SOS2: variants seen among roughly 807,000 people sequenced by gnomAD.
SOS2 encodes the protein son of sevenless homolog 2.
Under a neutral mutation model 148.2 loss-of-function variants are expected in SOS2, and 65 were observed. The ratio of observed to expected loss-of-function variants is 0.44; its 90% CI spans 0.36 to 0.54. The LOEUF (loss-of-function observed/expected upper bound fraction) is 0.54, where lower values mean the gene tolerates loss of function less well. Among genes scored for constraint, SOS2 ranks in the 20% least tolerant of loss-of-function variants. The pLI is 0.00. For synonymous variants in SOS2, 539 were observed against 537.1 expected, an observed-to-expected ratio of 1.00 and a Z score of -0.05; for missense variants, 1,341 against 1,590.2, an observed-to-expected ratio of 0.84 and a Z score of 2.67.
intron 1 of SOS2, among the ~76,000 whole-genome samples, chr14:50,223,432 T>C (rs1322938398): frequency 6.6e-6 from 1 of 151,980 alleles, no homozygotes; most frequent in African/African-American, 2.4e-5. Flanking sequence ...CCCAGTACTT[T>C]GGGAGGCCGG....
chr14:50,182,581 A>T lies in SOS2; in HGVS notation c.740T>A (p.Ile247Asn). 6.2e-7 allele frequency: 1 copy of T among 1,605,170 alleles called. No homozygotes were observed. The highest frequency in any genetic ancestry group is 8.5e-7 in the Non-Finnish European group (1 of 1,172,880). ...CACAGTCAATTCATGTATATCTGAA[A>T]TGTTACTAAAAATCTTTTCGATATC... ...PSDIEKIFSN[I>N]SDIHELTVKL... Residue 247 changes from isoleucine (I) to asparagine (N), a missense_variant, in exon 6 of 23, where the codon ATT becomes AAT. Coordinates refer to ENST00000216373, the MANE Select transcript of SOS2 (RefSeq NM_006939.4).
chr14:50,164,836 T>C (rs2139647360), intron 8 of SOS2, among the ~76,000 whole-genome samples: 1 of 152,336 alleles, frequency 6.6e-6, no homozygotes, highest in African/African-American at 2.4e-5. Flanking sequence ...TCTTAAATTT[T>C]TTCTTTTGAA....
chr14:50,225,936 A>C (rs187500471), intron 1 of SOS2, among the ~76,000 whole-genome samples: 1 of 150,064 alleles, frequency 6.7e-6, no homozygotes, highest in African/African-American at 2.4e-5. Flanking sequence ...TTAAATTCAG[A>C]ATCTGAGACC....
chr14:50,171,632 C>T (rs1421622386), intron 8 of SOS2, among the ~76,000 whole-genome samples: 2 of 137,136 alleles, frequency 1.5e-5, no homozygotes, highest in East Asian at 2.1e-4. Context: ...GGCAGTGAGC[C>T]GAGATCATGC....
At chr14:50,211,530 A>C (rs1324913658) in intron 1 of SOS2, among the ~76,000 whole-genome samples, 1 of 151,930 alleles carries the variant, frequency 6.6e-6, no homozygotes, top group Non-Finnish European at 1.5e-5. Context: ...CTCACCCGTA[A>C]ATGAGAACAT....
Position 50,231,340 on chromosome 14 carries a change from T to G in SOS2, c.-57A>C. On this transcript the variant is annotated 5_prime_UTR_variant, in exon 1 of 23. Transcript: ENST00000216373. Reference sequence around the variant, plus strand: ...CAGCCCGCGGGCCGGGCCGGTGGCCTGACAGGCAGGGCGCGGGCCGCCTCG... The same window carrying G: ...CAGCCCGCGGGCCGGGCCGGTGGCCGGACAGGCAGGGCGCGGGCCGCCTCG... 1.1e-6 allele frequency: 1 copy of G among 918,492 alleles called. No homozygotes were observed. Among genetic ancestry groups the G allele is most frequent in the Non-Finnish European group, 1.4e-6 (1 of 712,072 alleles). 56.9% of individuals were successfully genotyped at this position (918,492 alleles called of 1,614,324 possible). A position where few individuals can be genotyped will look rare whatever the true frequency, so the allele number is the denominator to read the frequency against.
intron 8 of SOS2, among the ~76,000 whole-genome samples, 167 bp from the exon 9 acceptor site, chr14:50,161,776 AC>A (rs1220537614): frequency 1.5e-5 from 2 of 137,534 alleles, no homozygotes; most frequent in African/African-American, 5.5e-5. Context: ...TCTCAAACCA[AC>A]CCTTTTTCTT....
At chr14:50,147,736 T>G (rs563505594) in intron 14 of SOS2, among the ~76,000 whole-genome samples, 3 of 152,238 alleles carry the variant, frequency 2.0e-5, no homozygotes, top group Non-Finnish European at 2.9e-5. Flanking sequence ...TTCATTATAT[T>G]ATTTCCTATA....
intron 1 of SOS2, among the ~76,000 whole-genome samples, chr14:50,205,559 A>G (rs1421284856): frequency 6.6e-6 from 1 of 152,138 alleles, no homozygotes; most frequent in Non-Finnish European, 1.5e-5. Flanking sequence ...CACTAAACCA[A>G]CCATTGCCAA....
In SOS2 at chr14:50,161,546, G is replaced by A; in HGVS notation, c.1132C>T (p.Leu378Phe). The A allele has an allele frequency of 1.9e-6, 3 of 1,611,610 alleles. No homozygotes were observed. The highest frequency in any genetic ancestry group is 2.5e-6 in the Non-Finnish European group (3 of 1,177,848). Reference sequence around the variant, plus strand: ...TCCATGCTACCTTGGAGATTCATGAGAGCAGTAATAGCTTGGTTCAAACAT... The same window carrying A: ...TCCATGCTACCTTGGAGATTCATGAAAGCAGTAATAGCTTGGTTCAAACAT... ...RECLNQAITA[L>F]MNLQGSMDRI... Residue 378 changes from leucine to phenylalanine, a missense_variant, in exon 9 of 23, where the codon CTC becomes TTC. Physicochemically the swap from Leu to Phe is conservative, Grantham distance 22. Coordinates refer to ENST00000216373, the MANE Select transcript of SOS2 (RefSeq NM_006939.4).
chr14:50,160,185 C>G, intron 9 of SOS2, 99 bp from the exon 10 acceptor site: 1 of 874,404 alleles, frequency 1.1e-6, no homozygotes, highest in South Asian at 1.7e-5. Flanking sequence ...ATTAAATAAC[C>G]AAACAGTAGC....
At chr14:50,180,886 G>A (rs933970155) in intron 6 of SOS2, among the ~76,000 whole-genome samples, 1 of 151,526 alleles carries the variant, frequency 6.6e-6, no homozygotes, top group African/African-American at 2.4e-5. Context: ...AAGAGAAGAA[G>A]AAAGATTTCT....
Position 50,221,006 on chromosome 14 carries a change from T to G in SOS2, c.87+10191A>C, listed in dbSNP as rs946118092. Among the ~76,000 whole-genome samples, 3 of 152,222 alleles carry G rather than the reference T, an allele frequency of 2.0e-5. No individual in the cohort carries two copies. The East Asian group carries it at 5.8e-4, about 29-fold the overall frequency. On this transcript the variant is annotated intron_variant, in intron 1 of 22. Transcript: ENST00000216373. ...AGAACGTGAAATTTTAAGACTCATA[T>G]TCTATCACAGCAGGGACAATGCTAG...
In SOS2 at chr14:50,118,828, G is replaced by A; in HGVS notation, c.3515C>T (p.Pro1172Leu). The A allele has an allele frequency of 6.8e-7, 1 of 1,479,082 alleles. No homozygotes were observed. Among genetic ancestry groups the A allele is most frequent in the South Asian group, 1.4e-5 (1 of 71,760 alleles). 91.6% of individuals were successfully genotyped at this position (1,479,082 alleles called of 1,614,324 possible). A position where few individuals can be genotyped will look rare whatever the true frequency, so the allele number is the denominator to read the frequency against. Residue 1172 changes from proline to leucine, a missense_variant, in exon 23 of 23, where the codon CCT becomes CTT. Transcript: ENST00000216373. ...AGGCTGTCTCGGTGGAATAGCAGGA[G>A]GATCATCATCAGATTTCATATTTCC... ...SKGNMKSDDDPPAIPPRQPPP... is the reference protein window; with the variant it reads ...SKGNMKSDDDLPAIPPRQPPP...
In SOS2 at chr14:50,199,439, T is replaced by TA. The variant is rs1379687426; in HGVS notation, c.510+251dup. Among the ~76,000 whole-genome samples the TA allele has an allele frequency of 2.0e-5, 3 of 152,120 alleles. No homozygotes were observed. The East Asian group carries it at 5.8e-4, about 29-fold the overall frequency. On this transcript the variant is annotated intron_variant, in intron 4 of 22. Transcript: ENST00000216373. ...CTAAAAATATAAAACTGAAACTACT[T>TA]AAATTGTTTTGAGGCCTTGGATGTT... is the stretch of plus-strand genomic sequence containing the variant.
intron 4 of SOS2, among the ~76,000 whole-genome samples, chr14:50,194,753 G>C (rs1886263206): frequency 6.7e-6 from 1 of 149,710 alleles, no homozygotes; most frequent in African/African-American, 2.4e-5. Flanking sequence ...GCTCCATACT[G>C]GGTGACAGAG....
chr14:50,118,474 GGAGCTGGAGGAT>G lies in SOS2; in HGVS notation c.3857_3868del (p.His1286_Ala1289del). 1.9e-6 allele frequency: 3 copies of G among 1,614,078 alleles called. No individual in the cohort carries two copies. The highest frequency in any genetic ancestry group is 2.5e-6 in the Non-Finnish European group (3 of 1,180,016). The stretch of plus-strand genomic sequence containing the variant: ...TGAATTCTGCCTTGGTGGAACAGGG[GGAGCTGGAGGAT>G]GAGCAAGATTATTCTGACTAGAACT... On this transcript the variant is annotated inframe_deletion, in exon 23 of 23. Coordinates refer to ENST00000216373, the MANE Select transcript of SOS2 (RefSeq NM_006939.4).
At chr14:50,192,941 T>G (rs190158125) in intron 4 of SOS2, among the ~76,000 whole-genome samples, 23 of 152,172 alleles carry the variant, frequency 1.5e-4, no homozygotes, top group Non-Finnish European at 3.1e-4. Context: ...CTAGTATATC[T>G]AGATCTGGTG....
intron 1 of SOS2, among the ~76,000 whole-genome samples, chr14:50,210,215 T>C (rs1886823190): frequency 6.6e-6 from 1 of 152,148 alleles, no homozygotes; most frequent in Non-Finnish European, 1.5e-5. Flanking sequence ...CAATGGGACA[T>C]AACAGAGTCC....
Sources: allele counts gnomAD v4.1 joint callset (sites outside exome capture counted in the v4.1 genomes callset), GRCh38; gene constraint gnomAD v4.1.1; transcripts MANE v1.5; gene names NCBI Gene and HGNC (gene_info 2026-07-23, HGNC 2026-07-21).